The following DUSP22 variants were observed in gnomAD, a reference collection of about 807,000 sequenced individuals.
DUSP22 encodes the protein dual specificity protein phosphatase 22.
Under a neutral mutation model 24.5 loss-of-function variants are expected in DUSP22, and 24 were observed. The observed-to-expected ratio is 0.98, with a 90% CI of 0.71 to 1.38. The LOEUF (loss-of-function observed/expected upper bound fraction) is 1.38, where lower values mean the gene tolerates loss of function less well. Ranked by LOEUF, DUSP22 falls within the 40% of genes most tolerant of loss-of-function variation. The pLI is 0.00. For synonymous variants in DUSP22, 160 were observed against 106.4 expected (o/e 1.50, Z -3.10); for missense variants, 330 against 269.2 (o/e 1.23, Z -1.58).
intron 3 of DUSP22, among the ~76,000 whole-genome samples, chr6:316,671 A>G (rs1758351888): frequency 6.6e-6 from 1 of 152,420 alleles, no homozygotes; most frequent in African/African-American, 2.4e-5. Flanking sequence ...TTTCTAATGT[A>G]AAAATTTCGG....
At chr6:329,289 A>G (rs1263743453) in intron 3 of DUSP22, among the ~76,000 whole-genome samples, 1 of 152,302 alleles carries the variant, frequency 6.6e-6, no homozygotes, top group Non-Finnish European at 1.5e-5. Context: ...GAAAGGTGAA[A>G]GGTGGTTGTC....
chr6:292,514 G>A lies in DUSP22; in HGVS notation c.-26G>A. On this transcript the variant is annotated 5_prime_UTR_variant, in exon 1 of 7. Coordinates refer to ENST00000419235, the MANE Select transcript of DUSP22 (RefSeq NM_001286555.3). ...AGTGCGCCTGCGACCACACGGCCGG[G>A]GCGCTAGCGTTCGCCTTCAGCCACC... 1 of 1,604,750 alleles carries A rather than the reference G, an allele frequency of 6.2e-7. No individual in the cohort carries two copies. Among genetic ancestry groups the A allele is most frequent in the Non-Finnish European group, 8.5e-7 (1 of 1,175,788 alleles).
At chr6:342,214 T>G (rs1483414299) in intron 4 of DUSP22, among the ~76,000 whole-genome samples, 1 of 152,310 alleles carries the variant, frequency 6.6e-6, no homozygotes, top group African/African-American at 2.4e-5. Context: ...GTTTTTCATT[T>G]ACTCAGGCGG....
chr6:310,480 AT>A lies in DUSP22; in HGVS notation c.56-1399del, dbSNP rs1561654576. Among the ~76,000 whole-genome samples, 6 of 152,420 alleles carry A rather than the reference AT, an allele frequency of 3.9e-5. No homozygotes were observed. The South Asian group carries it at 1.2e-3, about 32-fold the overall frequency. On this transcript the variant is annotated intron_variant, in intron 2 of 6. Coordinates refer to ENST00000419235, the MANE Select transcript of DUSP22 (RefSeq NM_001286555.3). Reference sequence around the variant, plus strand: ...AATTTTGTTATCTTCTTAGTTTCATATGGAGATAATTTAATAGCCAACTGAT... The same window carrying A: ...AATTTTGTTATCTTCTTAGTTTCATAGGAGATAATTTAATAGCCAACTGAT...
chr6:335,614 A>G (rs1759326617), intron 4 of DUSP22, among the ~76,000 whole-genome samples: 2 of 152,302 alleles, frequency 1.3e-5, no homozygotes, highest in Admixed American at 1.3e-4. Flanking sequence ...AATTCTAATA[A>G]TATATTTTAC....
rs1758963932 is a variant in DUSP22, at chr6:327,988, A to T, written c.139-7126A>T. Among the ~76,000 whole-genome samples, 3 of 152,418 alleles carry T rather than the reference A, an allele frequency of 2.0e-5. No individual in the cohort carries two copies. The South Asian group carries it at 6.2e-4, about 32-fold the overall frequency. On this transcript the variant is annotated intron_variant, in intron 3 of 6. Coordinates refer to ENST00000419235, the MANE Select transcript of DUSP22 (RefSeq NM_001286555.3). ...TGGGTCTTCTCTACTTTGCAGACAG[A>T]GAGGAGCCACTGAATATTTTTCAGC...
intron 4 of DUSP22, among the ~76,000 whole-genome samples, chr6:340,891 C>T (rs1265422839): frequency 6.6e-6 from 1 of 152,312 alleles, no homozygotes; most frequent in Non-Finnish European, 1.5e-5. Flanking sequence ...AGTAGTTGTT[C>T]AGCCTCAAAA....
At chr6:348,029 G>A (rs189758594) in intron 5 of DUSP22, 74 bp from the exon 6 acceptor site, 3,023 of 1,586,462 alleles carry the variant, frequency 1.9e-3, no homozygotes, top group Non-Finnish European at 2.4e-3. Flanking sequence ...AGAGTCCCCC[G>A]CTCCACATGG....
At chr6:293,835 T>C (rs1757205059) in intron 1 of DUSP22, among the ~76,000 whole-genome samples, 1 of 151,360 alleles carries the variant, frequency 6.6e-6, no homozygotes, top group Non-Finnish European at 1.5e-5. Flanking sequence ...TGATCAAGTT[T>C]GGAAACAGAC....
At chr6:298,669 A>G (rs1486254459) in intron 1 of DUSP22, among the ~76,000 whole-genome samples, 1 of 152,308 alleles carries the variant, frequency 6.6e-6, no homozygotes, top group South Asian at 2.1e-4. Flanking sequence ...ATTTCTGCAG[A>G]AGGATTCTGC....
At position 351,223 on chromosome 6, in the gene DUSP22, C is replaced by G. The variant is rs1305807726; in HGVS notation, c.*2272C>G. On this transcript the variant is annotated 3_prime_UTR_variant, in exon 7 of 7. Transcript: ENST00000419235. ...GTAGTTGTGTGGCGTGAACTCTGCC[C>G]GTGTGTTCTCAAATTCCCCAGCTTG... 2 of 270,504 alleles carry G rather than the reference C, an allele frequency of 7.4e-6. No homozygotes were observed. Among genetic ancestry groups the G allele is most frequent in the Non-Finnish European group, 1.4e-5 (2 of 143,714 alleles). 16.8% of individuals were successfully genotyped at this position (270,504 alleles called of 1,614,324 possible).
At chr6:318,885 G>A (rs974935601) in intron 3 of DUSP22, among the ~76,000 whole-genome samples, 1 of 152,304 alleles carries the variant, frequency 6.6e-6, no homozygotes, top group Non-Finnish European at 1.5e-5. Flanking sequence ...AGAAAAGGAA[G>A]ACGTCTGTGT....
rs553913371 is a variant in DUSP22 at position 337,239 on chromosome 6, C to T, written c.188+2076C>T. On this transcript the variant is annotated intron_variant, in intron 4 of 6. Transcript: ENST00000419235. The stretch of plus-strand genomic sequence containing the variant: ...AATCTCAACTGTAAAGCCAGTTACA[C>T]CTACCTTGGGCAGGTCATTTTAACC... 6 of 152,526 alleles carry T rather than the reference C, an allele frequency of 3.9e-5. No homozygotes were observed. The East Asian group carries it at 1.2e-3, about 29-fold the overall frequency. The allele number at this position is 152,526 out of a possible 1,614,324, so 9.4% of individuals were successfully genotyped here. A position where few individuals can be genotyped will look rare whatever the true frequency, so the allele number is the denominator to read the frequency against.
chr6:338,372 A>G (rs1336007089), intron 4 of DUSP22, among the ~76,000 whole-genome samples: 1 of 152,298 alleles, frequency 6.6e-6, no homozygotes, highest in Non-Finnish European at 1.5e-5. Context: ...TGTACTTTTT[A>G]ATGGTGAGCA....
intron 3 of DUSP22, among the ~76,000 whole-genome samples, chr6:327,012 TCTG>T (rs1386636888): frequency 2.6e-5 from 4 of 152,310 alleles, no homozygotes; most frequent in South Asian, 4.1e-4. Context: ...TTTGGGGACT[TCTG>T]CTGCAGCTAC....
At chr6:345,716 A>G (rs1176825283) in intron 4 of DUSP22, 138 bp from the exon 5 acceptor site, 13 of 1,058,222 alleles carry the variant, frequency 1.2e-5, no homozygotes, top group Non-Finnish European at 1.8e-5. Flanking sequence ...ACTGTAGCCC[A>G]TAAATATGTA....
At position 349,033 on chromosome 6, in the gene DUSP22, G is replaced by A. The variant is rs1177967283; in HGVS notation, c.*82G>A. On this transcript the variant is annotated 3_prime_UTR_variant, in exon 7 of 7. Transcript: ENST00000419235. Reference sequence around the variant, plus strand: ...CAGGGGTGCGGTGGTGGTGGCCGATGAGGACAGGAAAGGGAGATAGCCAGG... The same window carrying A: ...CAGGGGTGCGGTGGTGGTGGCCGATAAGGACAGGAAAGGGAGATAGCCAGG... 1.3e-6 allele frequency: 2 copies of A among 1,527,026 alleles called. No homozygotes were observed. Among genetic ancestry groups the A allele is most frequent in the African/African-American group, 1.4e-5 (1 of 72,728 alleles). 94.6% of individuals were successfully genotyped at this position (1,527,026 alleles called of 1,614,324 possible).
chr6:319,628 G>T (rs1032921241), intron 3 of DUSP22, among the ~76,000 whole-genome samples: 4 of 152,308 alleles, frequency 2.6e-5, no homozygotes, highest in African/African-American at 7.2e-5. Context: ...GTTGGCCATT[G>T]TTTCCAGCGT....
intron 4 of DUSP22, among the ~76,000 whole-genome samples, chr6:345,224 C>T (rs370576000): frequency 3.4e-5 from 5 of 146,076 alleles, no homozygotes; most frequent in East Asian, 2.0e-4. Context: ...TGGTTTCTTT[C>T]TTTTTTTTTT....
Sources: allele counts gnomAD v4.1 joint callset (sites outside exome capture counted in the v4.1 genomes callset), GRCh38; gene constraint gnomAD v4.1.1; transcripts MANE v1.5; gene names NCBI Gene and HGNC (gene_info 2026-07-23, HGNC 2026-07-21).